The following RBM19 variants were observed in gnomAD, a reference collection of about 807,000 sequenced individuals.
RBM19 encodes probable RNA-binding protein 19.
In RBM19, 94 loss-of-function variants were observed where a neutral mutation model predicts 116.8. That is an observed-to-expected ratio of 0.80 (90% CI 0.68 to 0.95). RBM19 has a LOEUF of 0.95. RBM19 is among the 40% of genes least tolerant of loss of function. RBM19 has a pLI of 0.00. For synonymous variants in RBM19, 475 were observed against 494.1 expected, an observed-to-expected ratio of 0.96 and a Z score of 0.51; for missense variants, 1,161 against 1,220.7, an observed-to-expected ratio of 0.95 and a Z score of 0.73.
At chr12:113,902,535 G>C (rs568987275) in intron 21 of RBM19, among the ~76,000 whole-genome samples, 5 of 146,308 alleles carry the variant, frequency 3.4e-5, no homozygotes, top group Non-Finnish European at 7.4e-5. Flanking sequence ...GGAGTTTGAG[G>C]CTTCAGTGAG....
chr12:113,840,494 C>T (rs1171317161), intron 23 of RBM19, among the ~76,000 whole-genome samples: 1 of 152,268 alleles, frequency 6.6e-6, no homozygotes, highest in East Asian at 1.9e-4. Flanking sequence ...TTACCATACA[C>T]ACTGGACATT....
chr12:113,844,768 A>G lies in RBM19; in HGVS notation c.2685T>C (p.Cys895=). 1 of 1,613,198 alleles carries G rather than the reference A, an allele frequency of 6.2e-7. No individual in the cohort carries two copies. The highest frequency in any genetic ancestry group is 8.5e-7 in the Non-Finnish European group (1 of 1,179,654). ...TCCGCCCGTACAAGTGGGTGCTGTGACACAGGGCGTTGAAGGCTCTCTGCA... is the reference window on the plus strand; with the variant it reads ...TCCGCCCGTACAAGTGGGTGCTGTGGCACAGGGCGTTGAAGGCTCTCTGCA... ...QDAKRAFNAL[C]HSTHLYGRRL... The change falls in exon 23 of 24, where the codon TGT becomes TGC. Residue 895 remains cysteine (C), a synonymous_variant. Coordinates refer to ENST00000261741, the MANE Select transcript of RBM19 (RefSeq NM_016196.4).
At chr12:113,955,360 T>C (rs2135934873) in intron 6 of RBM19, 149 bp from the exon 7 acceptor site, 1 of 764,414 alleles carries the variant, frequency 1.3e-6, no homozygotes, top group Admixed American at 2.1e-5. Context: ...GTCCACCGTG[T>C]ATGGAGTCTG....
At chr12:113,951,892 C>A (rs1384397586) in intron 8 of RBM19, among the ~76,000 whole-genome samples, 1 of 152,254 alleles carries the variant, frequency 6.6e-6, no homozygotes, top group African/African-American at 2.4e-5. Flanking sequence ...CAGCCTCCAG[C>A]CTCCCCGCAG....
At chr12:113,954,275 C>T (rs1017009301) in intron 7 of RBM19, among the ~76,000 whole-genome samples, 2 of 152,144 alleles carry the variant, frequency 1.3e-5, no homozygotes, top group Admixed American at 6.6e-5. Flanking sequence ...CTGGGCAACA[C>T]AGTGAGACCC....
At position 113,942,438 on chromosome 12, in the gene RBM19, TG is replaced by T; in HGVS notation, c.1627-5del. 1 of 1,601,520 alleles carries T rather than the reference TG, an allele frequency of 6.2e-7. No individual in the cohort carries two copies. On this transcript the variant is annotated splice_polypyrimidine_tract_variant and splice_region_variant and intron_variant, in intron 13 of 23. Transcript: ENST00000261741. ...CGGCCACGCTGCCCTTGGTCTCCTG[TG>T]GAAGAGGAAAGGAAGAGTTCTGGTT...
At chr12:113,947,282 C>T in intron 11 of RBM19, 52 bp downstream of exon 11, 1 of 1,532,514 alleles carries the variant, frequency 6.5e-7, no homozygotes, top group Non-Finnish European at 8.9e-7. Flanking sequence ...ACCAGCCTTT[C>T]CCGACCATGT....
chr12:113,831,850 G>A (rs1029369020), intron 23 of RBM19, among the ~76,000 whole-genome samples: 3 of 152,164 alleles, frequency 2.0e-5, no homozygotes, highest in African/African-American at 4.8e-5. Context: ...GAAGTAGGAG[G>A]GGGTGACTGG....
Position 113,920,712 on chromosome 12 carries a change from C to T in RBM19, c.2306-22G>A, listed in dbSNP as rs372137741. 5.0e-6 allele frequency: 8 copies of T among 1,604,832 alleles called. No individual in the cohort carries two copies. In the African/African-American group the frequency reaches 6.7e-5, roughly 13 times the overall value. On this transcript the variant is annotated intron_variant, in intron 18 of 23. Transcript: ENST00000261741. ...ACTCCTGAGAGAGAGAGGTGGAAAT[C>T]ACACCAGTCGGTGAAGCGGAAGCAC... is the stretch of plus-strand genomic sequence containing the variant.
At chr12:113,863,596 C>A (rs571081990) in intron 21 of RBM19, among the ~76,000 whole-genome samples, 1 of 152,266 alleles carries the variant, frequency 6.6e-6, no homozygotes, top group East Asian at 1.9e-4. Flanking sequence ...CCTCACTATT[C>A]GGATCTGCTG....
intron 16 of RBM19, among the ~76,000 whole-genome samples, chr12:113,927,648 T>C (rs1245911472): frequency 7.1e-6 from 1 of 141,338 alleles, no homozygotes; most frequent in Non-Finnish European, 1.6e-5. Flanking sequence ...CAAACTAAAA[T>C]GCAACTTAAA....
At chr12:113,887,945 C>T (rs1473637344) in intron 21 of RBM19, among the ~76,000 whole-genome samples, 1 of 152,126 alleles carries the variant, frequency 6.6e-6, no homozygotes, top group African/African-American at 2.4e-5. Flanking sequence ...TGTTGTTGAA[C>T]TCGTGGGCTC....
chr12:113,915,520 C>T (rs571901465), intron 20 of RBM19, among the ~76,000 whole-genome samples: 2 of 152,292 alleles, frequency 1.3e-5, no homozygotes, highest in East Asian at 1.9e-4. Context: ...GACCAGGTGG[C>T]GAGCAAGGAC....
Position 113,921,077 on chromosome 12 carries a change from G to C in RBM19, c.2306-387C>G, listed in dbSNP as rs375988199. 3.3e-5 allele frequency among the ~76,000 whole-genome samples: 5 copies of C among 152,324 alleles called. No homozygotes were observed. The South Asian group carries it at 1.0e-3, about 32-fold the overall frequency. On this transcript the variant is annotated intron_variant, in intron 18 of 23. Transcript: ENST00000261741. The stretch of plus-strand genomic sequence containing the variant: ...TAATGCCTAAAATGAATATGTGCGT[G>C]AGAGTCAAACGCACCAAAGGCTTGC...
intron 21 of RBM19, among the ~76,000 whole-genome samples, chr12:113,897,687 C>A (rs953566357): frequency 6.6e-6 from 1 of 152,198 alleles, no homozygotes; most frequent in African/African-American, 2.4e-5. Context: ...ACTCTCAGGG[C>A]GGCCATGTTT....
At chr12:113,878,843 A>AAG (rs1879866824) in intron 21 of RBM19, among the ~76,000 whole-genome samples, 5 of 100,538 alleles carry the variant, frequency 5.0e-5, no homozygotes, top group Admixed American at 1.0e-4. Flanking sequence ...AAAAAAAAAA[A>AAG]GGGGGGGGTG....
chr12:113,864,533 G>GT (rs1027317566), intron 21 of RBM19, among the ~76,000 whole-genome samples: 2 of 152,286 alleles, frequency 1.3e-5, no homozygotes, highest in Admixed American at 1.3e-4. Context: ...AAGAAATATG[G>GT]TAAGATGGCA....
At chr12:113,861,934 C>T (rs12425958) in intron 21 of RBM19, among the ~76,000 whole-genome samples, 5,378 of 152,184 alleles carry the variant, frequency 0.035, 310 homozygotes, top group Admixed American at 0.15. Flanking sequence ...ACAAATGAAA[C>T]GCCACCCACA....
chr12:113,947,255 CAT>C (rs1871103672), intron 11 of RBM19, 77 bp downstream of exon 11: 9 of 1,461,540 alleles, frequency 6.2e-6, no homozygotes, highest in African/African-American at 2.8e-5. Flanking sequence ...TGTCCACACA[CAT>C]ACACACACAC....
Sources: gnomAD v4.1 joint callset for allele counts (sites outside exome capture counted in the v4.1 genomes callset) on GRCh38, gnomAD v4.1.1 for gene constraint, MANE v1.5 for transcripts, NCBI Gene and HGNC (gene_info 2026-07-23, HGNC 2026-07-21) for gene names.